The following SNX24 variants were observed in gnomAD, a reference collection of about 807,000 sequenced individuals.
The protein encoded by SNX24 is sorting nexin-24.
In SNX24, 22 loss-of-function variants were observed where a neutral mutation model predicts 28.7. The ratio of observed to expected loss-of-function variants is 0.77; its 90% confidence interval spans 0.55 to 1.10. SNX24 has a LOEUF of 1.10. Ranked by LOEUF, SNX24 falls within the 50% of genes least tolerant of loss-of-function variation. The pLI is 0.00. For synonymous variants in SNX24, 69 were observed against 71.5 expected, an observed-to-expected ratio of 0.96 and a Z score of 0.18; for missense variants, 221 against 201.1, an observed-to-expected ratio of 1.10 and a Z score of -0.60.
In SNX24 at chr5:122,999,969, C is replaced by G. The variant is rs781702985; in HGVS notation, c.307C>G (p.Arg103Gly). Residue 103 changes from arginine to glycine, a missense_variant, in exon 4 of 7, where the codon CGA (arginine) becomes GGA (glycine). Arg to Gly is a moderately radical substitution (Grantham distance 125, BLOSUM62 -2). Coordinates refer to ENST00000261369, the MANE Select transcript of SNX24 (RefSeq NM_014035.4). ...PKLFLDFLNV[R>G]HLPSLPKAES... ...ACTGTTTCTTGATTTCCTAAATGTG[C>G]GACACTTGCCCTCTCTACCAAAGGC... The G allele has an allele frequency of 4.3e-6, 7 of 1,612,530 alleles. No homozygotes were observed. The South Asian group carries it at 4.4e-5, about 10-fold the overall frequency.
chr5:122,918,653 A>G (rs1382769714), intron 1 of SNX24, among the ~76,000 whole-genome samples: 1 of 152,234 alleles, frequency 6.6e-6, no homozygotes, highest in African/African-American at 2.4e-5. Context: ...AATAATGTAT[A>G]GACTTTTAGA....
intron 3 of SNX24, among the ~76,000 whole-genome samples, chr5:122,954,760 A>G (rs368973206): frequency 6.6e-6 from 1 of 151,544 alleles, no homozygotes; most frequent in East Asian, 1.9e-4. Context: ...TTTTTCCCCT[A>G]TATTTAAGGT....
In SNX24 at chr5:122,967,520, C is replaced by T. The variant is rs543204355; in HGVS notation, c.249+21361C>T. Among the ~76,000 whole-genome samples the T allele has an allele frequency of 4.5e-4, 69 of 152,232 alleles. No homozygotes were observed. The South Asian group carries it at 5.0e-3, about 11-fold the overall frequency. On this transcript the variant is annotated intron_variant, in intron 3 of 6. Coordinates refer to ENST00000261369, the MANE Select transcript of SNX24 (RefSeq NM_014035.4). ...CAAGGTGGACCATGTACAATGATCC[C>T]CTGGGGAGCAGAAAGCAGCCAGGAA...
At chr5:122,922,513 A>G (rs1313466067) in intron 1 of SNX24, among the ~76,000 whole-genome samples, 2 of 151,502 alleles carry the variant, frequency 1.3e-5, no homozygotes, top group Non-Finnish European at 2.9e-5. Flanking sequence ...TCAGCCTCCC[A>G]AAGTGCTGGG....
At chr5:123,005,847 G>A (rs563493025) in intron 6 of SNX24, among the ~76,000 whole-genome samples, 2 of 152,180 alleles carry the variant, frequency 1.3e-5, no homozygotes, top group East Asian at 1.9e-4. Flanking sequence ...CCTATCACAC[G>A]CTTTCAAAGA....
intron 1 of SNX24, among the ~76,000 whole-genome samples, chr5:122,895,044 G>C (rs542043093): frequency 6.7e-6 from 1 of 149,546 alleles, no homozygotes; most frequent in East Asian, 1.9e-4. Flanking sequence ...ACTTTCTAAA[G>C]GTAAAATATA....
intron 3 of SNX24, among the ~76,000 whole-genome samples, chr5:122,949,110 T>C (rs1759823590): frequency 6.6e-6 from 1 of 152,210 alleles, no homozygotes; most frequent in Non-Finnish European, 1.5e-5. Flanking sequence ...AATTTTGTTC[T>C]ATCTGAGATT....
At chr5:122,946,014 G>GTT (rs574269067) in intron 2 of SNX24, 41 bp from the exon 3 acceptor site, 65,682 of 840,438 alleles carry the variant, frequency 0.078, 6 homozygotes, top group East Asian at 0.19. Context: ...AGACATCTCT[G>GTT]TTTTTTTTTT....
chr5:123,013,476 C>G (rs1762629460), downstream of SNX24, among the ~76,000 whole-genome samples: 1 of 152,186 alleles, frequency 6.6e-6, no homozygotes, highest in African/African-American at 2.4e-5. Context: ...AAGTAGCAGG[C>G]AGTAACTCAA....
chr5:123,009,150 T>A lies in SNX24; in HGVS notation c.*1401T>A, dbSNP rs767391307. Reference sequence around the variant, plus strand: ...AATAGTTGGGTATTGGAGATTTTTTTAAAATGTTTTTATGTTATTAGCTAT... The same window carrying A: ...AATAGTTGGGTATTGGAGATTTTTTAAAAATGTTTTTATGTTATTAGCTAT... On this transcript the variant is annotated 3_prime_UTR_variant, in exon 7 of 7. Transcript: ENST00000261369. The A allele has an allele frequency of 5.7e-4, 564 of 984,748 alleles. 2 individuals are homozygous for A. The highest frequency in any genetic ancestry group is 1.2e-3 in the African/African-American group (71 of 57,342). 61.0% of individuals were successfully genotyped at this position (984,748 alleles called of 1,614,324 possible). A position where few individuals can be genotyped will look rare whatever the true frequency, so the allele number is the denominator to read the frequency against.
intron 1 of SNX24, among the ~76,000 whole-genome samples, chr5:122,923,406 G>A (rs1758531487): frequency 6.6e-6 from 1 of 151,886 alleles, no homozygotes; most frequent in Non-Finnish European, 1.5e-5. Context: ...AGAAGGCTGA[G>A]TATTCTGTGA....
chr5:123,001,265 C>T, intron 4 of SNX24, 140 bp from the exon 5 acceptor site: 1 of 661,334 alleles, frequency 1.5e-6, no homozygotes, highest in Non-Finnish European at 2.7e-6. Context: ...TGCTGTGGCT[C>T]AGTGGAAACT....
At chr5:122,926,232 T>C (rs1356724331) in intron 1 of SNX24, among the ~76,000 whole-genome samples, 1 of 152,094 alleles carries the variant, frequency 6.6e-6, no homozygotes, top group African/African-American at 2.4e-5. Context: ...CTGTTATAGG[T>C]GGCAGTGAGG....
In SNX24 at chr5:122,966,990, T is replaced by A. The variant is rs969862421; in HGVS notation, c.249+20831T>A. Among the ~76,000 whole-genome samples, 7 of 152,232 alleles carry A rather than the reference T, an allele frequency of 4.6e-5. No homozygotes were observed. In the South Asian group the frequency reaches 8.3e-4, roughly 18 times the overall value. On this transcript the variant is annotated intron_variant, in intron 3 of 6. Transcript: ENST00000261369. ...AGTCTTAAGTATTTAGTCATGAAAATTAAATTTGAAAATATTCTTTCAGGA... is the reference window on the plus strand; with the variant it reads ...AGTCTTAAGTATTTAGTCATGAAAAATAAATTTGAAAATATTCTTTCAGGA...
At chr5:123,001,512 A>C in intron 5 of SNX24, 75 bp downstream of exon 5, 2 of 1,069,516 alleles carry the variant, frequency 1.9e-6, no homozygotes, top group Non-Finnish European at 2.8e-6. Context: ...GATGTGTTTC[A>C]AGTTATGTTT....
intron 1 of SNX24, among the ~76,000 whole-genome samples, 163 bp from the exon 2 acceptor site, chr5:122,936,571 C>T (rs986727744): frequency 7.2e-5 from 11 of 152,046 alleles, no homozygotes; most frequent in African/African-American, 1.9e-4. Context: ...TTCGAGTGCT[C>T]ATTAATCAGT....
At chr5:122,868,496 A>T (rs1231248381) in intron 1 of SNX24, among the ~76,000 whole-genome samples, 1 of 152,100 alleles carries the variant, frequency 6.6e-6, no homozygotes, top group Non-Finnish European at 1.5e-5. Flanking sequence ...CCAGCATTGC[A>T]CTTAACCTAT....
intron 3 of SNX24, among the ~76,000 whole-genome samples, chr5:122,984,760 C>T (rs1296045338): frequency 6.6e-6 from 1 of 152,066 alleles, no homozygotes; most frequent in East Asian, 1.9e-4. Flanking sequence ...GAAATGAAGA[C>T]GTAGTGGACT....
intron 1 of SNX24, among the ~76,000 whole-genome samples, chr5:122,873,867 G>A (rs1756102147): frequency 1.3e-5 from 2 of 148,372 alleles, no homozygotes; most frequent in South Asian, 2.2e-4. Flanking sequence ...CCAAGTTCAA[G>A]CGATTCTCCT....
Sources: allele counts gnomAD v4.1 joint callset (sites outside exome capture counted in the v4.1 genomes callset), GRCh38; gene constraint gnomAD v4.1.1; transcripts MANE v1.5; gene names NCBI Gene and HGNC (gene_info 2026-07-23, HGNC 2026-07-21).